The following ST18 variants were observed in gnomAD, a reference collection of about 807,000 sequenced individuals.
The protein encoded by ST18 is ST18 C2H2C-type zinc finger transcription factor, also known as suppression of tumorigenicity 18 protein.
A neutral mutation model predicts 110.0 loss-of-function variants in ST18; 50 were observed. The observed-to-expected ratio is 0.45, with a 90% CI of 0.36 to 0.58. The LOEUF (loss-of-function observed/expected upper bound fraction) is 0.58, where lower values mean the gene tolerates loss of function less well. ST18 is among the 20% of genes least tolerant of loss of function. The pLI, the probability that ST18 is intolerant of heterozygous loss-of-function variation, is 0.00. For missense variants in ST18, 1,306 were observed against 1,280.1 expected (o/e 1.02, Z -0.31); for synonymous variants, 461 against 452.4 (o/e 1.02, Z -0.24).
At chr8:52,408,827 G>A (rs1225835702) in intron 2 of ST18, among the ~76,000 whole-genome samples, 1 of 152,144 alleles carries the variant, frequency 6.6e-6, no homozygotes, top group African/African-American at 2.4e-5. Flanking sequence ...TATGTTGCAG[G>A]TCTCCTATAG....
intron 2 of ST18, among the ~76,000 whole-genome samples, chr8:52,267,495 A>AC (rs1226315256): frequency 2.0e-5 from 3 of 151,194 alleles, no homozygotes; most frequent in Non-Finnish European, 4.4e-5. Context: ...AAAAAAAAAA[A>AC]AAAAAAAAAC....
chr8:52,379,364 C>T (rs1417816335), intron 2 of ST18, among the ~76,000 whole-genome samples: 2 of 151,992 alleles, frequency 1.3e-5, no homozygotes, highest in East Asian at 3.9e-4. Flanking sequence ...TCCCAAAATG[C>T]TAGGATTACA....
At chr8:52,341,438 G>A (rs1315452128) in intron 2 of ST18, among the ~76,000 whole-genome samples, 1 of 152,196 alleles carries the variant, frequency 6.6e-6, no homozygotes, top group Non-Finnish European at 1.5e-5. Context: ...CAGAGTAACA[G>A]CTTCCTAAAG....
intron 23 of ST18, among the ~76,000 whole-genome samples, chr8:52,122,739 G>A (rs546640568): frequency 5.9e-5 from 9 of 151,892 alleles, no homozygotes; most frequent in African/African-American, 9.7e-5. Context: ...CACCCTTCTC[G>A]GCCTCCCAAA....
chr8:52,298,692 T>A (rs1160385713), intron 2 of ST18, among the ~76,000 whole-genome samples: 4 of 152,246 alleles, frequency 2.6e-5, no homozygotes, highest in Non-Finnish European at 4.4e-5. Context: ...TGAAATTATA[T>A]CAATAGATTT....
At chr8:52,160,259 T>C (rs987298400) in intron 14 of ST18, among the ~76,000 whole-genome samples, 14 of 152,238 alleles carry the variant, frequency 9.2e-5, no homozygotes, top group African/African-American at 3.4e-4. Context: ...TGTACAACTT[T>C]TCCCTTAAAT....
intron 2 of ST18, among the ~76,000 whole-genome samples, chr8:52,268,929 C>T (rs1304193449): frequency 6.6e-6 from 1 of 152,218 alleles, no homozygotes; most frequent in African/African-American, 2.4e-5. Flanking sequence ...GAATGTTTGT[C>T]TCACTCTGCA....
intron 8 of ST18, among the ~76,000 whole-genome samples, chr8:52,190,377 T>C (rs900806593): frequency 1.1e-4 from 17 of 152,166 alleles, no homozygotes; most frequent in African/African-American, 3.1e-4. Flanking sequence ...CTTAAACTTA[T>C]AGGATGCATG....
intron 18 of ST18, among the ~76,000 whole-genome samples, chr8:52,136,975 G>C (rs1272182053): frequency 6.6e-6 from 1 of 152,304 alleles, no homozygotes; most frequent in Middle Eastern, 3.4e-3. Flanking sequence ...AGGTGATGGT[G>C]CTTTTCCAAG....
intron 19 of ST18, among the ~76,000 whole-genome samples, chr8:52,135,568 CAAAAAAAAA>C (rs71252929): frequency 1.8e-5 from 1 of 56,166 alleles, no homozygotes; most frequent in African/African-American, 5.6e-5. Flanking sequence ...AACTCCATCT[CAAAAAAAAA>C]AAAAAAAAAA....
intron 2 of ST18, among the ~76,000 whole-genome samples, chr8:52,249,026 C>T (rs998494815): frequency 3.9e-5 from 6 of 152,120 alleles, no homozygotes; most frequent in African/African-American, 1.4e-4. Context: ...TTGCCTCATA[C>T]ATTTGAAAGT....
chr8:52,113,954 GTTTTTTTTTTT>G (rs1158213340), intron 25 of ST18, among the ~76,000 whole-genome samples: 24 of 45,442 alleles, frequency 5.3e-4, no homozygotes, highest in African/African-American at 1.2e-3. Flanking sequence ...TTCATACCGT[GTTTTTTTTTTT>G]TTTTTTTTTT....
chr8:52,367,828 C>T (rs762048102), intron 2 of ST18, among the ~76,000 whole-genome samples: 2 of 152,160 alleles, frequency 1.3e-5, no homozygotes, highest in Non-Finnish European at 2.9e-5. Flanking sequence ...CCTCAACCTA[C>T]GACTCCAACC....
rs578060353 is a variant in ST18, at chr8:52,118,268, A to T, written c.2859+70T>A. 45 of 1,058,958 alleles carry T rather than the reference A, an allele frequency of 4.2e-5. No homozygotes were observed. The South Asian group carries it at 7.0e-4, about 17-fold the overall frequency. 65.6% of individuals were successfully genotyped at this position (1,058,958 alleles called of 1,614,324 possible). A position where few individuals can be genotyped will look rare whatever the true frequency, so the allele number is the denominator to read the frequency against. On this transcript the variant is annotated intron_variant, in intron 24 of 25. Transcript: ENST00000689386. ...CCATATATTTTCACACAAGTTTTAA[A>T]ATTTCAATGTTTTGTTTCCACCAAA...
chr8:52,392,341 G>A (rs1043700010), intron 2 of ST18, among the ~76,000 whole-genome samples: 28 of 152,102 alleles, frequency 1.8e-4, no homozygotes, highest in Non-Finnish European at 3.8e-4. Context: ...TAGTGGTGGT[G>A]AGGATGGTGA....
chr8:52,258,089 A>G (rs545194139), intron 2 of ST18, among the ~76,000 whole-genome samples: 86 of 152,310 alleles, frequency 5.6e-4, no homozygotes, highest in African/African-American at 1.8e-3. Context: ...TTGATGGTAG[A>G]CATGGGAATT....
At chr8:52,254,972 C>T (rs2094478467) in intron 2 of ST18, among the ~76,000 whole-genome samples, 1 of 152,128 alleles carries the variant, frequency 6.6e-6, no homozygotes, top group Admixed American at 6.6e-5. Flanking sequence ...AAGAAAAGTG[C>T]CTCAAGATAC....
At chr8:52,259,367 C>T (rs775862086) in intron 2 of ST18, among the ~76,000 whole-genome samples, 2 of 152,106 alleles carry the variant, frequency 1.3e-5, no homozygotes, top group Non-Finnish European at 2.9e-5. Context: ...ACCAATCAAC[C>T]GCTAGACATA....
chr8:52,220,132 A>T (rs1268077183), intron 5 of ST18, among the ~76,000 whole-genome samples: 2 of 152,186 alleles, frequency 1.3e-5, no homozygotes, highest in Non-Finnish European at 2.9e-5. Flanking sequence ...TAATATCCCC[A>T]GATTAAAGAA....
Sources: gnomAD v4.1 joint callset for allele counts (sites outside exome capture counted in the v4.1 genomes callset) on GRCh38, gnomAD v4.1.1 for gene constraint, MANE v1.5 for transcripts, NCBI Gene and HGNC (gene_info 2026-07-23, HGNC 2026-07-21) for gene names.